The following PTPRM variants were observed in gnomAD, a reference collection of about 807,000 sequenced individuals.
PTPRM encodes receptor-type tyrosine-protein phosphatase mu.
Under a neutral mutation model 186.7 loss-of-function variants are expected in PTPRM, and 47 were observed. The observed-to-expected ratio is 0.25, with a 90% CI of 0.20 to 0.32. The LOEUF (loss-of-function observed/expected upper bound fraction) is 0.32. Among genes scored for constraint, PTPRM ranks in the 10% least tolerant of loss-of-function variants. The pLI, the probability that PTPRM is intolerant of heterozygous loss-of-function variation, is 1.00. For missense variants in PTPRM, 1,494 were observed against 1,865.0 expected (o/e 0.80, Z 3.66); for synonymous variants, 668 against 674.9 (o/e 0.99, Z 0.16).
chr18:7,796,813 T>C (rs187921748), intron 2 of PTPRM, among the ~76,000 whole-genome samples: 67 of 152,320 alleles, frequency 4.4e-4, no homozygotes, highest in Non-Finnish European at 7.2e-4. Flanking sequence ...GGGACCTTTG[T>C]CCAGTGGTGC....
chr18:7,661,372 T>C (rs546033746), intron 1 of PTPRM, among the ~76,000 whole-genome samples: 40 of 152,332 alleles, frequency 2.6e-4, no homozygotes, highest in African/African-American at 9.1e-4. Context: ...CTGCAGAGCA[T>C]ATAAACTGCT....
chr18:7,758,085 G>A (rs1278435730), intron 1 of PTPRM, among the ~76,000 whole-genome samples: 2 of 152,100 alleles, frequency 1.3e-5, no homozygotes, highest in Admixed American at 6.5e-5. Context: ...AATCTAGAAC[G>A]GGACTCAATA....
chr18:7,598,825 T>A (rs2037330695), intron 1 of PTPRM, among the ~76,000 whole-genome samples: 1 of 151,450 alleles, frequency 6.6e-6, no homozygotes, highest in African/African-American at 2.4e-5. Context: ...AACAAGCAAC[T>A]GTGTGTCCCT....
chr18:8,359,986 C>A (rs2095587073), intron 23 of PTPRM, among the ~76,000 whole-genome samples: 2 of 152,236 alleles, frequency 1.3e-5, no homozygotes, highest in African/African-American at 4.8e-5. Flanking sequence ...ACTCCCTGAG[C>A]CCTTCCTCTG....
chr18:7,855,962 G>A (rs2047074188), intron 2 of PTPRM, among the ~76,000 whole-genome samples: 1 of 152,158 alleles, frequency 6.6e-6, no homozygotes, highest in African/African-American at 2.4e-5. Context: ...AGTCATCTGG[G>A]ACAAGTTGCT....
At chr18:8,113,095 C>A (rs138967166) in intron 11 of PTPRM, among the ~76,000 whole-genome samples, 1,918 of 152,290 alleles carry the variant, frequency 0.013, 29 homozygotes, top group Middle Eastern at 0.041. Context: ...TTAAAATAAA[C>A]TTACAGTTGG....
chr18:8,095,227 A>C (rs912695371), intron 11 of PTPRM, among the ~76,000 whole-genome samples: 9 of 152,152 alleles, frequency 5.9e-5, no homozygotes, highest in African/African-American at 1.2e-4. Context: ...GGGAGTGGTC[A>C]GTACAGGGAA....
chr18:7,743,704 A>AAACATAAAAC, intron 1 of PTPRM, among the ~76,000 whole-genome samples: 1 of 152,178 alleles, frequency 6.6e-6, no homozygotes, highest in Non-Finnish European at 1.5e-5. Flanking sequence ...TAAAACAGAA[A>AAACATAAAAC]AGGAGTTTAT....
intron 1 of PTPRM, among the ~76,000 whole-genome samples, chr18:7,688,918 C>T (rs1360562937): frequency 6.6e-6 from 1 of 152,146 alleles, no homozygotes. Context: ...AAGAAACCCT[C>T]AGCCCTGGTG....
intron 23 of PTPRM, among the ~76,000 whole-genome samples, chr18:8,359,414 C>A (rs1411902927): frequency 2.0e-5 from 3 of 152,270 alleles, no homozygotes; most frequent in Non-Finnish European, 2.9e-5. Flanking sequence ...CCTGCGGAGC[C>A]CTGTCGCTAG....
At chr18:7,588,028 CAT>C (rs2037024685) in intron 1 of PTPRM, among the ~76,000 whole-genome samples, 1 of 152,040 alleles carries the variant, frequency 6.6e-6, no homozygotes, top group Admixed American at 6.5e-5. Flanking sequence ...TAGAATTAAT[CAT>C]ATTTTGTAAT....
chr18:8,025,940 G>C (rs985444655), intron 7 of PTPRM, among the ~76,000 whole-genome samples: 5 of 152,192 alleles, frequency 3.3e-5, no homozygotes, highest in African/African-American at 1.2e-4. Context: ...TTTCCAGGGA[G>C]AGCAGAAGGA....
At chr18:7,986,648 T>G (rs528750611) in intron 7 of PTPRM, among the ~76,000 whole-genome samples, 1 of 152,288 alleles carries the variant, frequency 6.6e-6, no homozygotes, top group South Asian at 2.1e-4. Context: ...AGGGCAAAAT[T>G]GTGAACTAAA....
chr18:7,655,999 G>C (rs920896202), intron 1 of PTPRM, among the ~76,000 whole-genome samples: 1 of 152,170 alleles, frequency 6.6e-6, no homozygotes, highest in South Asian at 2.1e-4. Context: ...TTCAACCACT[G>C]TGGAAAACAG....
chr18:8,126,364 A>G (rs935250381), intron 13 of PTPRM, among the ~76,000 whole-genome samples: 10 of 152,022 alleles, frequency 6.6e-5, no homozygotes, highest in Non-Finnish European at 1.3e-4. Flanking sequence ...TAATATGTAT[A>G]TATATATAAA....
intron 30 of PTPRM, among the ~76,000 whole-genome samples, chr18:8,386,662 C>T (rs1004271213): frequency 3.3e-5 from 5 of 152,188 alleles, no homozygotes; most frequent in African/African-American, 1.2e-4. Context: ...ATATTATGCT[C>T]ACAGGAAGCA....
At chr18:8,014,918 G>C (rs572017310) in intron 7 of PTPRM, among the ~76,000 whole-genome samples, 1 of 152,088 alleles carries the variant, frequency 6.6e-6, no homozygotes, top group South Asian at 2.1e-4. Flanking sequence ...TCATGATCTA[G>C]TATTTGCTTG....
chr18:7,976,225 A>T (rs1171462586), intron 7 of PTPRM, among the ~76,000 whole-genome samples: 1 of 152,306 alleles, frequency 6.6e-6, no homozygotes, highest in African/African-American at 2.4e-5. Flanking sequence ...TAGGCAACCC[A>T]TGACTATATA....
At chr18:7,881,797 C>T (rs1030070475) in intron 2 of PTPRM, among the ~76,000 whole-genome samples, 3 of 152,076 alleles carry the variant, frequency 2.0e-5, no homozygotes, top group Admixed American at 6.6e-5. Flanking sequence ...TCCTTGAAGC[C>T]GGGTCTTTTC....
Sources: gnomAD v4.1 joint callset for allele counts (sites outside exome capture counted in the v4.1 genomes callset) on GRCh38, gnomAD v4.1.1 for gene constraint, MANE v1.5 for transcripts, NCBI Gene and HGNC (gene_info 2026-07-23, HGNC 2026-07-21) for gene names.